The following TXLNB variants were observed in gnomAD, a reference collection of about 807,000 sequenced individuals.
TXLNB encodes the protein beta-taxilin.
In TXLNB, 37 loss-of-function variants were observed where a neutral mutation model predicts 57.4. That is an observed-to-expected ratio of 0.64 (90% CI 0.50 to 0.85). The LOEUF is 0.85. Among genes scored for constraint, TXLNB ranks in the 40% least tolerant of loss-of-function variants. The pLI is 0.00. For missense variants in TXLNB, 848 were observed against 825.6 expected, an observed-to-expected ratio of 1.03 and a Z score of -0.33; for synonymous variants, 302 against 309.6, an observed-to-expected ratio of 0.98 and a Z score of 0.26.
At position 139,242,787 on chromosome 6, in the gene TXLNB, CT is replaced by C; in HGVS notation, c.1793del (p.Gln598ArgfsTer67). On this transcript the variant is annotated frameshift_variant, in exon 10 of 10. Coordinates refer to ENST00000358430, the MANE Select transcript of TXLNB (RefSeq NM_153235.4). LOFTEE classifies it low-confidence loss of function (END_TRUNC). ...CTGGCTTCCAGGACGCCTGATCAGCCTGTGCTCCAACAGGGAGACCCTCGCA... is the reference window on the plus strand; with the variant it reads ...CTGGCTTCCAGGACGCCTGATCAGCCGTGCTCCAACAGGGAGACCCTCGCA... ...TQCEGLPVGA[Q>X]ADQASWKPEA... The C allele has an allele frequency of 2.5e-6, 4 of 1,614,164 alleles. No individual in the cohort carries two copies. The South Asian group carries it at 4.4e-5, about 18-fold the overall frequency.
At chr6:139,176,326 G>A in the TXLNB span, among the ~76,000 whole-genome samples, 1 of 152,290 alleles carries the variant, frequency 6.6e-6, no homozygotes, top group South Asian at 2.1e-4. This position sits in a 1 kb window ranked among gnomAD's most constrained non-coding sequence, Gnocchi z 4.5. Flanking sequence ...TACTTTTTAA[G>A]TACATTTTTA....
At chr6:139,321,610 G>A in the TXLNB span, among the ~76,000 whole-genome samples, 1 of 101,370 alleles carries the variant, frequency 9.9e-6, no homozygotes, top group Non-Finnish European at 2.0e-5. Context: ...TTACATTTAT[G>A]TCTCTAGCCC....
At chr6:139,317,956 CA>C in the TXLNB span, among the ~76,000 whole-genome samples, 1 of 151,820 alleles carries the variant, frequency 6.6e-6, no homozygotes, top group Non-Finnish European at 1.5e-5. Flanking sequence ...ATGATCTAAA[CA>C]GCATATTAGA....
At chr6:139,264,034 A>G (rs1256334119) in intron 4 of TXLNB, among the ~76,000 whole-genome samples, 1 of 152,166 alleles carries the variant, frequency 6.6e-6, no homozygotes, top group Non-Finnish European at 1.5e-5. Flanking sequence ...ATAACAACAC[A>G]TTTCCCAACT....
chr6:139,212,847 G>A, the TXLNB span, among the ~76,000 whole-genome samples: 1 of 152,128 alleles, frequency 6.6e-6, no homozygotes, highest in East Asian at 1.9e-4. Context: ...TGATAAAACA[G>A]ACTCTAAACC....
chr6:139,182,715 A>G, the TXLNB span, among the ~76,000 whole-genome samples: 1 of 152,244 alleles, frequency 6.6e-6, no homozygotes, highest in Non-Finnish European at 1.5e-5. Flanking sequence ...AATATTTGAA[A>G]TAGTAATGTA....
At chr6:139,164,445 C>T in the TXLNB span, among the ~76,000 whole-genome samples, 1 of 152,214 alleles carries the variant, frequency 6.6e-6, no homozygotes, top group South Asian at 2.1e-4. Context: ...TGTTTGCTTC[C>T]TGTAGTGTGC....
the TXLNB span, among the ~76,000 whole-genome samples, chr6:139,310,365 GGT>G: frequency 6.6e-6 from 1 of 152,180 alleles, no homozygotes; most frequent in African/African-American, 2.4e-5. Flanking sequence ...ATAGCCAACA[GGT>G]GTATGAAAAG....
intron 7 of TXLNB, among the ~76,000 whole-genome samples, chr6:139,249,756 G>A (rs758483424): frequency 7.2e-5 from 11 of 152,016 alleles, no homozygotes; most frequent in Non-Finnish European, 1.3e-4. Flanking sequence ...AAATCATTTC[G>A]GTAGAATACA....
chr6:139,319,261 ATTTTTT>A, the TXLNB span, among the ~76,000 whole-genome samples: 12 of 130,174 alleles, frequency 9.2e-5, no homozygotes, highest in Non-Finnish European at 1.8e-4. Context: ...TCCCTTTAAA[ATTTTTT>A]TTTTTTTTTT....
At chr6:139,188,612 G>A in the TXLNB span, among the ~76,000 whole-genome samples, 1 of 151,852 alleles carries the variant, frequency 6.6e-6, no homozygotes, top group Non-Finnish European at 1.5e-5. Flanking sequence ...ATTTCTGAAA[G>A]AGAAATTTCA....
intron 7 of TXLNB, among the ~76,000 whole-genome samples, chr6:139,254,315 T>TTGTGGGTGTG (rs1554224139): frequency 3.3e-5 from 5 of 150,026 alleles, no homozygotes; most frequent in Non-Finnish European, 4.5e-5. Flanking sequence ...TGAACACGAT[T>TTGTGGGTGTG]TGTGTGTGTG....
the TXLNB span, among the ~76,000 whole-genome samples, chr6:139,231,581 CT>C: frequency 8.0e-4 from 122 of 152,198 alleles, no homozygotes; most frequent in Middle Eastern, 3.4e-3. Context: ...TTCTTGTCTC[CT>C]TTTTCTTGCC....
chr6:139,287,556 T>C (rs1398459965), intron 2 of TXLNB, among the ~76,000 whole-genome samples: 1 of 152,174 alleles, frequency 6.6e-6, no homozygotes, highest in East Asian at 1.9e-4. Context: ...CCATCTAGCA[T>C]GAGAGATGGG....
the TXLNB span, among the ~76,000 whole-genome samples, chr6:139,162,736 C>T: frequency 2.6e-5 from 4 of 152,188 alleles, no homozygotes; most frequent in African/African-American, 9.7e-5. Flanking sequence ...TGCCACCACC[C>T]TCTGCTGATT....
At chr6:139,166,921 T>C in the TXLNB span, 2 of 1,613,948 alleles carry the variant, frequency 1.2e-6, no homozygotes, top group Non-Finnish European at 1.7e-6. Flanking sequence ...ACGCCATCCA[T>C]CTGGAGCCTC....
chr6:139,242,479 T>G lies in TXLNB; in HGVS notation c.*47A>C. The G allele has an allele frequency of 7.0e-7, 1 of 1,434,386 alleles. No individual in the cohort carries two copies. The allele number at this position is 1,434,386 out of a possible 1,614,324, so 88.9% of individuals were successfully genotyped here. A position where few individuals can be genotyped will look rare whatever the true frequency, so the allele number is the denominator to read the frequency against. ...TTTTTCGGAAGACAAGCTGTTATGC[T>G]GAATATGCAAAGAGGCAGGAAGAAG... On this transcript the variant is annotated 3_prime_UTR_variant, in exon 10 of 10. Coordinates refer to ENST00000358430, the MANE Select transcript of TXLNB (RefSeq NM_153235.4).
chr6:139,270,492 C>A lies in TXLNB; in HGVS notation c.651G>T (p.Leu217=), dbSNP rs756251250. The change falls in exon 4 of 10, where the codon CTG becomes CTT. Residue 217 remains leucine, a synonymous_variant. Coordinates refer to ENST00000358430, the MANE Select transcript of TXLNB (RefSeq NM_153235.4). The stretch of plus-strand genomic sequence containing the variant: ...TGTTGTGTCTCTGCAGCTCCCGGCA[C>A]AGACTCTCCAATTTGCTTCGAGCGA... ...AILARSKLES[L]CRELQRHNKT... The A allele has an allele frequency of 2.5e-6, 4 of 1,614,174 alleles. No individual in the cohort carries two copies. The highest frequency in any genetic ancestry group is 2.5e-6 in the Non-Finnish European group (3 of 1,180,008).
the TXLNB span, among the ~76,000 whole-genome samples, chr6:139,214,945 G>T: frequency 2.3e-4 from 35 of 152,238 alleles, no homozygotes; most frequent in African/African-American, 8.4e-4. Context: ...TCTTCAAGGA[G>T]AAATACAAAC....
Sources: gnomAD v4.1 joint callset for allele counts (sites outside exome capture counted in the v4.1 genomes callset) on GRCh38, gnomAD v4.1.1 for gene constraint, Gnocchi (gnomAD v3.1) non-coding constraint, MANE v1.5 for transcripts, NCBI Gene and HGNC (gene_info 2026-07-23, HGNC 2026-07-21) for gene names.